SLC35F4: variants seen among roughly 807,000 people sequenced by gnomAD.
The protein encoded by SLC35F4 is chromosome 14 open reading frame 36.
SLC35F4 carries 24 observed loss-of-function variants against 44.2 expected under a neutral mutation model. The ratio of observed to expected loss-of-function variants is 0.54; its 90% CI spans 0.39 to 0.76. The LOEUF (loss-of-function observed/expected upper bound fraction) is 0.76, where lower values mean the gene tolerates loss of function less well. Ranked by LOEUF, SLC35F4 falls within the 30% of genes least tolerant of loss-of-function variation. The probability of loss-of-function intolerance (pLI) is 0.00; values close to 1 mark genes in which losing one functional copy is unlikely to be tolerated. For missense variants in SLC35F4, 562 were observed against 586.1 expected, an observed-to-expected ratio of 0.96 and a Z score of 0.42; for synonymous variants, 238 against 223.6, an observed-to-expected ratio of 1.06 and a Z score of -0.57.
chr14:57,920,238 C>T (rs979523761), intron 1 of SLC35F4, among the ~76,000 whole-genome samples: 6 of 152,186 alleles, frequency 3.9e-5, no homozygotes, highest in Non-Finnish European at 8.8e-5. Flanking sequence ...ATTCTTCTGA[C>T]TTCCTAATTC....
At chr14:57,571,168 C>T (rs1275239765) in intron 5 of SLC35F4, among the ~76,000 whole-genome samples, 4 of 152,122 alleles carry the variant, frequency 2.6e-5, no homozygotes, top group African/African-American at 9.7e-5. Flanking sequence ...TTCTTTAATA[C>T]ATCCAGAAAG....
chr14:57,590,862 G>A (rs903278069), intron 2 of SLC35F4, among the ~76,000 whole-genome samples: 40 of 152,196 alleles, frequency 2.6e-4, no homozygotes, highest in Admixed American at 1.8e-3. Flanking sequence ...CTGGCTCTCC[G>A]CTGAATGTGT....
At position 57,578,325 on chromosome 14, in the gene SLC35F4, G is replaced by GTTTTTTTTTTTTTTTTTTTTTTTTTT. The variant is rs199785589; in HGVS notation, c.807+2863_807+2888dup. On this transcript the variant is annotated intron_variant, in intron 4 of 7. Coordinates refer to ENST00000556826, the MANE Select transcript of SLC35F4 (RefSeq NM_001306087.2). Reference sequence around the variant, plus strand: ...GATGACTGAAAGCATCCCTTTAACTGTTTTTTTTTTTTTTTTTTTTTTTTT... The same window carrying GTTTTTTTTTTTTTTTTTTTTTTTTTT: ...GATGACTGAAAGCATCCCTTTAACTGTTTTTTTTTTTTTTTTTTTTTTTTTTTTTTTTTTTTTTTTTTTTTTTTTTT... Among the ~76,000 whole-genome samples, 15 of 43,168 alleles carry GTTTTTTTTTTTTTTTTTTTTTTTTTT rather than the reference G, an allele frequency of 3.5e-4. 4 individuals carry two copies. Among genetic ancestry groups the GTTTTTTTTTTTTTTTTTTTTTTTTTT allele is most frequent in the Non-Finnish European group, 5.1e-4 (11 of 21,764 alleles). The allele number at this position is 43,168 out of a possible 152,430, so 28.3% of individuals were successfully genotyped here.
chr14:57,919,098 G>A (rs570079642), intron 1 of SLC35F4, among the ~76,000 whole-genome samples: 5 of 152,266 alleles, frequency 3.3e-5, no homozygotes, highest in Admixed American at 3.3e-4. Flanking sequence ...GATTTTCCAT[G>A]GTTTGGATGC....
chr14:57,755,344 G>T (rs2076971844), intron 1 of SLC35F4, among the ~76,000 whole-genome samples: 1 of 152,114 alleles, frequency 6.6e-6, no homozygotes, highest in South Asian at 2.1e-4. Context: ...ATTCCCATGA[G>T]CCCCACTCCT....
At chr14:57,586,717 CAAAAAAAAAAAA>C (rs543963927) in intron 3 of SLC35F4, among the ~76,000 whole-genome samples, 357 of 12,490 alleles carry the variant, frequency 0.029, 2 homozygotes, top group African/African-American at 0.041. Flanking sequence ...GACTCTGTCT[CAAAAAAAAAAAA>C]AAAAAAAAAA....
At chr14:57,780,502 G>A (rs8020319) in intron 1 of SLC35F4, among the ~76,000 whole-genome samples, 41,215 of 151,950 alleles carry the variant, frequency 0.27, 6,025 homozygotes, top group Admixed American at 0.39. Flanking sequence ...TGTTAAAATG[G>A]CCATGCTCCC....
At chr14:57,685,583 C>T (rs2140315997) in intron 1 of SLC35F4, among the ~76,000 whole-genome samples, 1 of 152,236 alleles carries the variant, frequency 6.6e-6, no homozygotes, top group Admixed American at 6.5e-5. Flanking sequence ...TTGAATCTTT[C>T]AGAGCAATGA....
At chr14:57,907,356 G>A (rs1264395337) in intron 1 of SLC35F4, among the ~76,000 whole-genome samples, 1 of 152,126 alleles carries the variant, frequency 6.6e-6, no homozygotes, top group Non-Finnish European at 1.5e-5. Context: ...TGTTGACTTT[G>A]TTGTGGTGGT....
rs149706028 is a variant in SLC35F4 at position 57,692,216 on chromosome 14, C to T, written c.104-98092G>A. ...AGCTCCTAGTACGACGAAGTTCTAC[C>T]GTGGAAGGACTTTTCTAACGTACAG... is the stretch of plus-strand genomic sequence containing the variant. On this transcript the variant is annotated intron_variant, in intron 1 of 7. Coordinates refer to ENST00000556826, the MANE Select transcript of SLC35F4 (RefSeq NM_001306087.2). Among the ~76,000 whole-genome samples the T allele has an allele frequency of 5.2e-4, 79 of 152,174 alleles. No homozygotes were observed. In the Middle Eastern group the frequency reaches 0.01, roughly 20 times the overall value.
chr14:57,709,228 A>G (rs191155099), intron 1 of SLC35F4, among the ~76,000 whole-genome samples: 10 of 152,150 alleles, frequency 6.6e-5, no homozygotes, highest in Middle Eastern at 3.4e-3. Flanking sequence ...CTTGACACTG[A>G]TGCTACCGCT....
chr14:57,677,428 A>T (rs2140292416), intron 1 of SLC35F4, among the ~76,000 whole-genome samples: 1 of 138,226 alleles, frequency 7.2e-6, no homozygotes, highest in Non-Finnish European at 1.6e-5. Flanking sequence ...AAATTATTTA[A>T]AAAGGGATAA....
chr14:57,813,641 G>T (rs1309402651), intron 1 of SLC35F4, among the ~76,000 whole-genome samples: 6 of 152,118 alleles, frequency 3.9e-5, no homozygotes, highest in Non-Finnish European at 7.4e-5. Flanking sequence ...AAGATATGGG[G>T]TTTTATAAGT....
chr14:57,970,465 T>C (rs1397641287), intron 1 of SLC35F4, among the ~76,000 whole-genome samples: 2 of 152,206 alleles, frequency 1.3e-5, no homozygotes, highest in Non-Finnish European at 2.9e-5. Flanking sequence ...CAGTTGTCTT[T>C]TGCTAAAAGA....
chr14:57,880,008 GGGAAAGGAAA>G (rs147114000), intron 1 of SLC35F4, among the ~76,000 whole-genome samples: 2 of 136,012 alleles, frequency 1.5e-5, no homozygotes, highest in African/African-American at 5.7e-5. Flanking sequence ...GGAAAGAGAA[GGGAAAGGAAA>G]GGAAAGGAAA....
intron 1 of SLC35F4, among the ~76,000 whole-genome samples, chr14:57,925,140 C>T (rs866849735): frequency 6.6e-6 from 1 of 151,496 alleles, no homozygotes; most frequent in Non-Finnish European, 1.5e-5. Flanking sequence ...GAGAAGCCAT[C>T]AGTCTATTAA....
intron 3 of SLC35F4, among the ~76,000 whole-genome samples, chr14:57,586,794 T>C (rs1032818705): frequency 7.2e-6 from 1 of 139,184 alleles, no homozygotes; most frequent in East Asian, 2.2e-4. Context: ...AAAGCCATAA[T>C]TGACAGATGG....
At chr14:57,678,556 T>C (rs1036771453) in intron 1 of SLC35F4, among the ~76,000 whole-genome samples, 1 of 151,980 alleles carries the variant, frequency 6.6e-6, no homozygotes, top group African/African-American at 2.4e-5. Flanking sequence ...AATGCCCCAA[T>C]TAAAAGACAC....
intron 1 of SLC35F4, among the ~76,000 whole-genome samples, chr14:57,642,419 T>A (rs913797265): frequency 1.3e-5 from 2 of 152,050 alleles, no homozygotes; most frequent in African/African-American, 4.8e-5. Flanking sequence ...ACGATTATCC[T>A]AGTAATGGCA....
Sources: gnomAD v4.1 joint callset for allele counts (sites outside exome capture counted in the v4.1 genomes callset) on GRCh38, gnomAD v4.1.1 for gene constraint, MANE v1.5 for transcripts, NCBI Gene and HGNC (gene_info 2026-07-23, HGNC 2026-07-21) for gene names.